Variants in HIVEP2 observed in about 807,000 individuals in gnomAD.
HIVEP2 encodes transcription factor HIVEP2.
In HIVEP2, 14 loss-of-function variants were observed where a neutral mutation model predicts 180.7. The ratio of observed to expected loss-of-function variants is 0.08; its 90% CI spans 0.05 to 0.12. The LOEUF is 0.12. Ranked by LOEUF, HIVEP2 falls within the 10% of genes least tolerant of loss-of-function variation. The pLI is 1.00. For synonymous variants in HIVEP2, 1,184 were observed against 1,136.4 expected (o/e 1.04, Z -0.84); for missense variants, 2,579 against 3,008.5 (o/e 0.86, Z 3.34).
At chr6:142,932,874 A>C (rs1777972521) in intron 1 of HIVEP2, among the ~76,000 whole-genome samples, 1 of 152,236 alleles carries the variant, frequency 6.6e-6, no homozygotes, top group Non-Finnish European at 1.5e-5. Context: ...GAAATTCTGT[A>C]AGAAACTTTA....
intron 1 of HIVEP2, among the ~76,000 whole-genome samples, chr6:142,882,415 A>G (rs1776595710): frequency 6.6e-6 from 1 of 152,116 alleles, no homozygotes; most frequent in Non-Finnish European, 1.5e-5. Flanking sequence ...GTTTGAGATC[A>G]GCCTGGCCAA....
rs376574606 is a variant in HIVEP2, at chr6:142,772,497, C to T, written c.2242G>A (p.Glu748Lys). 7.5e-5 allele frequency: 121 copies of T among 1,613,950 alleles called. No individual in the cohort carries two copies. The highest frequency in any genetic ancestry group is 9.2e-5 in the Non-Finnish European group (109 of 1,180,048). Residue 748 changes from glutamate (E) to lysine (K), a missense_variant, in exon 5 of 10, where the codon GAA becomes AAA. Transcript: ENST00000367603. The surrounding 1 kb of genome is among the most constrained non-coding windows in gnomAD (Gnocchi z 4.9). ...TCCGTGTGACCATGAGAAAGGTTTTCGTGTCCAGCCATGGCAAATCCACTC... is the reference window on the plus strand; with the variant it reads ...TCCGTGTGACCATGAGAAAGGTTTTTGTGTCCAGCCATGGCAAATCCACTC... ...VRSGFAMAGHENLSHGHTERF... is the reference protein window; with the variant it reads ...VRSGFAMAGHKNLSHGHTERF...
intron 2 of HIVEP2, among the ~76,000 whole-genome samples, chr6:142,807,600 C>T (rs1776585990): frequency 6.6e-6 from 1 of 152,148 alleles, no homozygotes; most frequent in African/African-American, 2.4e-5. Flanking sequence ...AACAGTAGTC[C>T]CATAACTTGT....
At chr6:142,910,617 G>A (rs944355799) in intron 1 of HIVEP2, among the ~76,000 whole-genome samples, 14 of 152,008 alleles carry the variant, frequency 9.2e-5, no homozygotes, top group Admixed American at 5.3e-4. Flanking sequence ...TAAAAATAAA[G>A]ATAAACAAAA....
At chr6:142,762,483 CACACACACACAT>C (rs61264890) in intron 7 of HIVEP2, among the ~76,000 whole-genome samples, 2,360 of 100,020 alleles carry the variant, frequency 0.024, 29 homozygotes, top group African/African-American at 0.038. Context: ...CACACACACA[CACACACACACAT>C]ACATATAAAT....
intron 1 of HIVEP2, among the ~76,000 whole-genome samples, chr6:142,877,693 T>C (rs1776479677): frequency 6.6e-6 from 1 of 152,196 alleles, no homozygotes; most frequent in Non-Finnish European, 1.5e-5. Context: ...TTACTGACCT[T>C]TTAATTCCAA....
At chr6:142,806,786 A>G (rs559818) in intron 2 of HIVEP2, among the ~76,000 whole-genome samples, 87,953 of 152,032 alleles carry the variant, frequency 0.58, 26,859 homozygotes, top group Non-Finnish European at 0.68. Flanking sequence ...TTTTGCATAT[A>G]CATTATCTCA....
chr6:142,944,205 C>T (rs1408488335), intron 1 of HIVEP2, among the ~76,000 whole-genome samples: 1 of 152,188 alleles, frequency 6.6e-6, no homozygotes, highest in Admixed American at 6.5e-5. Flanking sequence ...TCTATCCCCT[C>T]ACCCAATTTG....
intron 1 of HIVEP2, among the ~76,000 whole-genome samples, chr6:142,936,465 C>T (rs980903174): frequency 7.9e-5 from 12 of 151,990 alleles, no homozygotes; most frequent in Admixed American, 5.9e-4. Flanking sequence ...GCTGGGATTA[C>T]AGCCGTGAGC....
chr6:142,825,287 TACACACACACAC>T (rs11468410), intron 2 of HIVEP2, among the ~76,000 whole-genome samples: 2 of 149,704 alleles, frequency 1.3e-5, no homozygotes, highest in South Asian at 4.3e-4. Context: ...AAAGTCCAAT[TACACACACACAC>T]ACACACACAC....
chr6:142,772,265 C>G lies in HIVEP2; in HGVS notation c.2474G>C (p.Cys825Ser), dbSNP rs374009132. ...AGGGGAAGGGGCTTTATCCTGTGTG[C>G]AAGCCACAAGTTCGGCTGACTCAGA... Reference protein sequence around the residue: ...ERSESAELVACTQDKAPSPSE... With the variant: ...ERSESAELVASTQDKAPSPSE... Residue 825 changes from cysteine (C) to serine (S), a missense_variant, in exon 5 of 10, where the codon TGC (cysteine) becomes TCC (serine). Cys to Ser is a moderately radical substitution (Grantham distance 112). Coordinates refer to ENST00000367603, the MANE Select transcript of HIVEP2 (RefSeq NM_006734.4). This position sits in a 1 kb window ranked among gnomAD's most constrained non-coding sequence, Gnocchi z 4.9. 6.2e-7 allele frequency: 1 copy of G among 1,614,172 alleles called. No homozygotes were observed. Among genetic ancestry groups the G allele is most frequent in the Non-Finnish European group, 8.5e-7 (1 of 1,180,032 alleles).
intron 2 of HIVEP2, among the ~76,000 whole-genome samples, chr6:142,821,862 A>G (rs1562251036): frequency 6.6e-6 from 1 of 152,188 alleles, no homozygotes; most frequent in Admixed American, 6.5e-5. Context: ...ATGCCATGGG[A>G]CATAGAGGCA....
At chr6:142,883,094 TCTAA>T (rs1776612017) in intron 1 of HIVEP2, among the ~76,000 whole-genome samples, 2 of 152,024 alleles carry the variant, frequency 1.3e-5, no homozygotes, top group African/African-American at 4.8e-5. Flanking sequence ...AAGATTTTGC[TCTAA>T]CTTAGGTTTA....
chr6:142,812,279 T>C (rs758061693), intron 2 of HIVEP2, among the ~76,000 whole-genome samples: 2 of 152,116 alleles, frequency 1.3e-5, no homozygotes, highest in Non-Finnish European at 2.9e-5. Flanking sequence ...CTGAAAGTAT[T>C]AGAGGGAACA....
rs117502170 is a variant in HIVEP2 at position 142,824,766 on chromosome 6, C to A, written c.-528+12169G>T. ...TTGACCAACTTGGAAATCTTCTGCC[C>A]CATCTCAGCCAGCTACAAAACCATA... On this transcript the variant is annotated intron_variant, in intron 2 of 9. Transcript: ENST00000367603. Among the ~76,000 whole-genome samples, 99 of 152,296 alleles carry A rather than the reference C, an allele frequency of 6.5e-4. 1 individual carries two copies. In the East Asian group the frequency reaches 0.017, roughly 25 times the overall value.
chr6:142,769,540 AG>A lies in HIVEP2; in HGVS notation c.5187+11del, dbSNP rs1562503106. 6.2e-7 allele frequency: 1 copy of A among 1,610,576 alleles called. No individual in the cohort carries two copies. Among genetic ancestry groups the A allele is most frequent in the Non-Finnish European group, 8.5e-7 (1 of 1,177,280 alleles). On this transcript the variant is annotated intron_variant, in intron 5 of 9. Coordinates refer to ENST00000367603, the MANE Select transcript of HIVEP2 (RefSeq NM_006734.4). ...CACAATACAAAGTTCTTCCTAAAAC[AG>A]TATTTGTTACCTGAGTAAACTGCTT...
intron 1 of HIVEP2, among the ~76,000 whole-genome samples, chr6:142,841,824 A>C (rs1210053434): frequency 6.6e-6 from 1 of 152,106 alleles, no homozygotes; most frequent in African/African-American, 2.4e-5. Flanking sequence ...AAGTCTCCTG[A>C]TTCTCTGTCT....
At position 142,928,258 on chromosome 6, in the gene HIVEP2, C is replaced by A. The variant is rs115886772; in HGVS notation, c.-641+16841G>T. Among the ~76,000 whole-genome samples, 1,014 of 152,274 alleles carry A rather than the reference C, an allele frequency of 6.7e-3. 9 individuals are homozygous for A. Among genetic ancestry groups the A allele is most frequent in the African/African-American group, 0.023 (954 of 41,540 alleles). On this transcript the variant is annotated intron_variant, in intron 1 of 9. Coordinates refer to ENST00000367603, the MANE Select transcript of HIVEP2 (RefSeq NM_006734.4). The stretch of plus-strand genomic sequence containing the variant: ...TAAAACTACCCTAAAAATATAAACT[C>A]TATTTTTAAACATATGTTTAGGGTT...
intron 2 of HIVEP2, among the ~76,000 whole-genome samples, chr6:142,808,443 TGAA>T (rs1331816825): frequency 7.7e-6 from 1 of 129,922 alleles, no homozygotes; most frequent in Non-Finnish European, 1.6e-5. Flanking sequence ...GAGGGAGAGA[TGAA>T]GAAAGGGATG....
Sources: allele counts gnomAD v4.1 joint callset (sites outside exome capture counted in the v4.1 genomes callset), GRCh38; gene constraint gnomAD v4.1.1; non-coding constraint Gnocchi (gnomAD v3.1); transcripts MANE v1.5; gene names NCBI Gene and HGNC (gene_info 2026-07-23, HGNC 2026-07-21).